Variants in PRC1 observed in about 807,000 individuals in gnomAD.
PRC1 encodes protein regulator of cytokinesis 1, also known as anaphase spindle elongation 1 homolog.
A neutral mutation model predicts 91.2 loss-of-function variants in PRC1; 54 were observed. The ratio of observed to expected loss-of-function variants is 0.59; its 90% CI spans 0.48 to 0.74. The LOEUF is 0.74. Ranked by LOEUF, PRC1 falls within the 30% of genes least tolerant of loss-of-function variation. The pLI, the probability that PRC1 is intolerant of heterozygous loss-of-function variation, is 0.00. For synonymous variants in PRC1, 275 were observed against 263.6 expected (o/e 1.04, Z -0.42); for missense variants, 727 against 746.2 (o/e 0.97, Z 0.30).
In PRC1 at chr15:90,970,431, C is replaced by CA; in HGVS notation, c.1544dup (p.Ser516ValfsTer58). 6.2e-7 allele frequency: 1 copy of CA among 1,612,136 alleles called. No homozygotes were observed. Among genetic ancestry groups the CA allele is most frequent in the Non-Finnish European group, 8.5e-7 (1 of 1,178,222 alleles). ...TGCTGCCAGAAGGAGGAAGTCGAGA[C>CA]ACGGGGGAGTGGTAGACTGTCCCTC... On this transcript the variant is annotated frameshift_variant, in exon 12 of 15. Transcript: ENST00000394249. LOFTEE classifies it high-confidence loss of function.
At chr15:90,983,922 A>G (rs2285937) in intron 3 of PRC1, 96 bp downstream of exon 3, 321,229 of 1,485,654 alleles carry the variant, frequency 0.22, 44,368 homozygotes, top group African/African-American at 0.59. Context: ...CTCCATCCCT[A>G]CGAGGAAGCC....
In PRC1 at chr15:90,976,672, T is replaced by G; in HGVS notation, c.1203+4A>C. On this transcript the variant is annotated splice_donor_region_variant and intron_variant, in intron 9 of 14. Coordinates refer to ENST00000394249, the MANE Select transcript of PRC1 (RefSeq NM_003981.4). ...GCATCAAAAACCCTTAGCAACATTA[T>G]TACCTTGGGCAGCATTTTCTGGAGC... 3 of 1,601,028 alleles carry G rather than the reference T, an allele frequency of 1.9e-6. No homozygotes were observed. Among genetic ancestry groups the G allele is most frequent in the Non-Finnish European group, 2.6e-6 (3 of 1,169,006 alleles).
At chr15:90,968,596 T>C (rs1036138778) in intron 14 of PRC1, 35 of 992,928 alleles carry the variant, frequency 3.5e-5, no homozygotes, top group African/African-American at 1.4e-4. Flanking sequence ...GCTCAATGTA[T>C]GGAAAGAGGC....
rs1406284149 is a variant in PRC1 at position 90,990,364 on chromosome 15, TA to T, written c.11+4042del. On this transcript the variant is annotated intron_variant, in intron 1 of 14. Transcript: ENST00000394249. Reference sequence around the variant, plus strand: ...AAATAAAATAAAATAAAATAAAAAATAAAATAAATAAATAAATAAATAAATA... The same window carrying T: ...AAATAAAATAAAATAAAATAAAAAATAAATAAATAAATAAATAAATAAATA... Among the ~76,000 whole-genome samples, 6 of 146,192 alleles carry T rather than the reference TA, an allele frequency of 4.1e-5. No homozygotes were observed. In the South Asian group the frequency reaches 6.4e-4, roughly 15 times the overall value.
At chr15:90,991,625 T>TA (rs1206027945) in intron 1 of PRC1, among the ~76,000 whole-genome samples, 1 of 151,866 alleles carries the variant, frequency 6.6e-6, no homozygotes, top group East Asian at 1.9e-4. Context: ...ATTTTTTTTT[T>TA]AAACTTAAAT....
Position 90,994,491 on chromosome 15 carries a change from C to G in PRC1, c.-74G>C. On this transcript the variant is annotated 5_prime_UTR_variant, in exon 1 of 15. Coordinates refer to ENST00000394249, the MANE Select transcript of PRC1 (RefSeq NM_003981.4). ...CGGCCCCGAGAGCAACAACCACCCG[C>G]AAACACCGGCGATGTCACTCCGCGT... The G allele has an allele frequency of 2.6e-6, 4 of 1,538,156 alleles. No individual in the cohort carries two copies. In the Middle Eastern group the frequency reaches 6.9e-4, roughly 264 times the overall value.
rs1174307651 is a variant in PRC1, at chr15:90,974,393, G to C, written c.1351-147C>G. 3 of 1,089,756 alleles carry C rather than the reference G, an allele frequency of 2.8e-6. No individual in the cohort carries two copies. The highest frequency in any genetic ancestry group is 3.9e-6 in the Non-Finnish European group (3 of 762,656). The allele number at this position is 1,089,756 out of a possible 1,614,324, so 67.5% of individuals were successfully genotyped here. A position where few individuals can be genotyped will look rare whatever the true frequency, so the allele number is the denominator to read the frequency against. On this transcript the variant is annotated intron_variant, in intron 10 of 14. Coordinates refer to ENST00000394249, the MANE Select transcript of PRC1 (RefSeq NM_003981.4). This position sits in a 1 kb window ranked among gnomAD's most constrained non-coding sequence, Gnocchi z 4.6. ...CGGGCTCCCCGTTCCACAAGCCCCG[G>C]TCCCCGGCTCCCCGTTCCACAAGCC...
At chr15:90,976,920 C>T (rs77871209) in intron 8 of PRC1, 149 bp from the exon 9 acceptor site, 36,532 of 575,764 alleles carry the variant, frequency 0.063, 1,652 homozygotes, top group South Asian at 0.15. Flanking sequence ...CACCTGAGGT[C>T]GACAGTTCCA....
At position 90,984,208 on chromosome 15, in the gene PRC1, A is replaced by C. The variant is rs1283439718; in HGVS notation, c.145-68T>G. On this transcript the variant is annotated intron_variant, in intron 2 of 14. Coordinates refer to ENST00000394249, the MANE Select transcript of PRC1 (RefSeq NM_003981.4). The surrounding 1 kb of genome is among the most constrained non-coding windows in gnomAD (Gnocchi z 5.1). ...AAAAAAACTCCCAACACCAATACCA[A>C]ACTCCTCAAATTTCTTTTTTCTTTT... The C allele has an allele frequency of 6.4e-7, 1 of 1,557,564 alleles. No homozygotes were observed. The highest frequency in any genetic ancestry group is 8.7e-7 in the Non-Finnish European group (1 of 1,146,928).
intron 11 of PRC1, 71 bp from the exon 12 acceptor site, chr15:90,970,585 TAC>T: frequency 9.0e-7 from 1 of 1,113,032 alleles, no homozygotes; most frequent in Non-Finnish European, 1.3e-6. Flanking sequence ...CTGTCTACCC[TAC>T]AGAGAAATGA....
At chr15:90,980,553 C>T (rs2151530646) in intron 6 of PRC1, 164 bp from the exon 7 acceptor site, 1 of 823,614 alleles carries the variant, frequency 1.2e-6, no homozygotes, top group East Asian at 2.8e-5. Flanking sequence ...GGGTCTCACT[C>T]TCTCGCCCAG....
In PRC1 at chr15:90,967,008, TG is replaced by T; in HGVS notation, c.*122del. The T allele has an allele frequency of 1.2e-6, 1 of 806,398 alleles. No individual in the cohort carries two copies. 50.0% of individuals were successfully genotyped at this position (806,398 alleles called of 1,614,324 possible). On this transcript the variant is annotated 3_prime_UTR_variant, in exon 15 of 15. Transcript: ENST00000394249. ...CATTCACATCTTTAAGTTAGGCCCA[TG>T]GTCATGGAACCTGGCCAAGGTTTCA... is the stretch of plus-strand genomic sequence containing the variant.
At chr15:90,983,558 C>G (rs2039365040) in intron 3 of PRC1, 1 of 152,636 alleles carries the variant, frequency 6.6e-6, no homozygotes, top group South Asian at 2.1e-4. Flanking sequence ...TGAGACATTT[C>G]TTCTGAAGAA....
At chr15:90,985,117 A>G (rs909683938) in intron 1 of PRC1, among the ~76,000 whole-genome samples, 3 of 152,244 alleles carry the variant, frequency 2.0e-5, no homozygotes, top group Admixed American at 6.5e-5. Flanking sequence ...TACTTTTACT[A>G]AAGAAAAACC....
chr15:90,990,400 T>A (rs1397173323), intron 1 of PRC1, among the ~76,000 whole-genome samples: 3 of 150,842 alleles, frequency 2.0e-5, no homozygotes, highest in Non-Finnish European at 4.4e-5. Context: ...AATTTTTTTT[T>A]TTTTTTTAAG....
At chr15:90,967,465 T>C (rs2037609303) in intron 14 of PRC1, 1 of 506,342 alleles carries the variant, frequency 2.0e-6, no homozygotes, top group Non-Finnish European at 3.6e-6. Flanking sequence ...AGAAGAGAAA[T>C]CCTTCATACA....
intron 1 of PRC1, among the ~76,000 whole-genome samples, chr15:90,991,492 TTTGGAATTACCAAA>T (rs1294004958): frequency 1.3e-5 from 2 of 151,912 alleles, no homozygotes; most frequent in African/African-American, 4.8e-5. Flanking sequence ...GAAATGGGTG[TTTGGAATTACCAAA>T]CACCCATTAT....
intron 8 of PRC1, among the ~76,000 whole-genome samples, chr15:90,977,498 T>C (rs1331174815): frequency 1.3e-5 from 2 of 151,780 alleles, no homozygotes; most frequent in African/African-American, 2.4e-5. Flanking sequence ...CTAGAGAGGA[T>C]GGTAGGTAAT....
At chr15:90,969,151 G>A (rs1255789404) in intron 13 of PRC1, 31 bp from the exon 14 acceptor site, 1 of 1,592,930 alleles carries the variant, frequency 6.3e-7, no homozygotes, top group Non-Finnish European at 8.6e-7. Context: ...CAATTACCAA[G>A]AACTCCACCA....
Sources: gnomAD v4.1 joint callset for allele counts (sites outside exome capture counted in the v4.1 genomes callset) on GRCh38, gnomAD v4.1.1 for gene constraint, Gnocchi (gnomAD v3.1) non-coding constraint, MANE v1.5 for transcripts, NCBI Gene and HGNC (gene_info 2026-07-23, HGNC 2026-07-21) for gene names.